The following ZNF511 variants were observed in gnomAD, a reference collection of about 807,000 sequenced individuals.
ZNF511 encodes the protein zinc finger protein 511.
A neutral mutation model predicts 24.8 loss-of-function variants in ZNF511; 26 were observed. The ratio of observed to expected loss-of-function variants is 1.05; its 90% CI spans 0.77 to 1.46. The LOEUF is 1.46. Ranked by LOEUF, ZNF511 falls within the 40% of genes most tolerant of loss-of-function variation. The pLI, the probability that ZNF511 is intolerant of heterozygous loss-of-function variation, is 0.00. For synonymous variants in ZNF511, 144 were observed against 139.6 expected, an observed-to-expected ratio of 1.03 and a Z score of -0.22; for missense variants, 358 against 345.0, an observed-to-expected ratio of 1.04 and a Z score of -0.30.
rs769944549 is a variant in ZNF511, at chr10:133,309,391, A to C, written c.155A>C (p.Asp52Ala). The C allele has an allele frequency of 6.2e-7, 1 of 1,611,280 alleles. No individual in the cohort carries two copies. Among genetic ancestry groups the C allele is most frequent in the East Asian group, 2.2e-5 (1 of 44,780 alleles). The change falls in exon 2 of 6, where the codon GAT (aspartate) becomes GCT (alanine). Residue 52 changes from aspartate (D) to alanine (A), a missense_variant and splice_region_variant. Asp to Ala is a moderately radical substitution (Grantham distance 126). Transcript: ENST00000361518. ...GCCCACGGCGCACTTTTCCTGCAGG[A>C]TGGGGACGTGCAGCGCCACCTCTAC... ...RFPREHQFFE[D>A]GDVQRHLYLQ... is the part of the protein sequence containing the mutation.
At position 133,309,780 on chromosome 10, in the gene ZNF511, C is replaced by G. The variant is rs201710528; in HGVS notation, c.232C>G (p.Pro78Ala). 1.1e-4 allele frequency: 176 copies of G among 1,612,732 alleles called. 1 individual carries two copies. The East Asian group carries it at 2.4e-3, about 22-fold the overall frequency. The change falls in exon 3 of 6, where the codon CCC becomes GCC. Residue 78 changes from proline to alanine, a missense_variant. By Grantham distance (27) the Pro-to-Ala change is conservative. Transcript: ENST00000361518. ...VADVPEKPRV[P>A]AFACQVAGCC... The stretch of plus-strand genomic sequence containing the variant: ...TGAAGCACGTCTCCTTGGCAGGGTG[C>G]CCGCGTTTGCCTGCCAGGTGGCCGG...
rs200152907 is a variant in ZNF511, at chr10:133,311,733, C to G, written c.572C>G (p.Ala191Gly). The G allele has an allele frequency of 6.2e-7, 1 of 1,613,350 alleles. No homozygotes were observed. Among genetic ancestry groups the G allele is most frequent in the Non-Finnish European group, 8.5e-7 (1 of 1,179,942 alleles). Reference protein sequence around the residue: ...KKSRSPASAEAPGDSGERSEG... With the variant: ...KKSRSPASAEGPGDSGERSEG... Reference sequence around the variant, plus strand: ...CCCCGCAGCCCAGCCTCAGCAGAAGCCCCAGGGGACAGTGGAGAGCGGTCA... The same window carrying G: ...CCCCGCAGCCCAGCCTCAGCAGAAGGCCCAGGGGACAGTGGAGAGCGGTCA... The change falls in exon 5 of 6, where the codon GCC (alanine) becomes GGC (glycine). Residue 191 changes from alanine (A) to glycine (G), a missense_variant. By Grantham distance (60) the Ala-to-Gly change is moderately conservative (BLOSUM62 0). Coordinates refer to ENST00000361518, the MANE Select transcript of ZNF511 (RefSeq NM_145806.4).
chr10:133,310,577 C>T (rs1847968345), intron 4 of ZNF511: 1 of 441,460 alleles, frequency 2.3e-6, no homozygotes. Flanking sequence ...CACTCACACC[C>T]CTCTGGGCCA....
At chr10:133,312,296 C>A (rs41314511) in intron 5 of ZNF511, 1 of 1,226,598 alleles carries the variant, frequency 8.2e-7, no homozygotes, top group Non-Finnish European at 1.0e-6. Flanking sequence ...GCCTTTCTAG[C>A]GTCACCTGTG....
intron 5 of ZNF511, chr10:133,312,087 T>C: frequency 6.9e-7 from 1 of 1,455,874 alleles, no homozygotes; most frequent in Non-Finnish European, 9.0e-7. Flanking sequence ...TCACTTTTCC[T>C]CATTGTCTGA....
rs981152303 is a variant in ZNF511 at position 133,309,009 on chromosome 10, T to C, written c.66T>C (p.Pro22=). Residue 22 remains proline (P), a synonymous_variant, in exon 1 of 6, where the codon CCT becomes CCC. Transcript: ENST00000361518. The stretch of plus-strand genomic sequence containing the variant: ...GGCCCGGGGCGGCGGAGCCGCTGCC[T>C]GTAGAGCGGGATCCCGCGGCTGGGG... The part of the protein sequence containing the change: ...AAGPGAAEPL[P]VERDPAAGAA... 3.2e-6 allele frequency: 4 copies of C among 1,255,120 alleles called. No individual in the cohort carries two copies. The African/African-American group carries it at 4.7e-5, about 15-fold the overall frequency. 77.7% of individuals were successfully genotyped at this position (1,255,120 alleles called of 1,614,324 possible).
At chr10:133,312,507 A>G (rs933132347) in intron 5 of ZNF511, 42 of 1,323,448 alleles carry the variant, frequency 3.2e-5, no homozygotes, top group Middle Eastern at 2.9e-4. Flanking sequence ...TGGAATGGAC[A>G]TGGGGTAGCA....
Position 133,313,066 on chromosome 10 carries a change from C to T in ZNF511, c.*200C>T. ...ACAGATTTTGGAAACGACCTGGACA[C>T]ACTATTGGGAAGGAGATGTGGACGG... On this transcript the variant is annotated 3_prime_UTR_variant, in exon 6 of 6. Transcript: ENST00000361518. 1 of 1,385,568 alleles carries T rather than the reference C, an allele frequency of 7.2e-7. No individual in the cohort carries two copies. The highest frequency in any genetic ancestry group is 1.6e-5 in the South Asian group (1 of 64,480). 85.8% of individuals were successfully genotyped at this position (1,385,568 alleles called of 1,614,324 possible).
intron 4 of ZNF511, chr10:133,310,674 G>A (rs754767359): frequency 4.8e-5 from 12 of 252,438 alleles, no homozygotes; most frequent in Admixed American, 1.5e-4. Flanking sequence ...GCCGTCGGCC[G>A]TGCTCACACA....
Position 133,311,739 on chromosome 10 carries a change from GGGACAGT to G in ZNF511, c.582_588del (p.Asp194GlufsTer106). The G allele has an allele frequency of 1.9e-5, 30 of 1,613,610 alleles. No homozygotes were observed. The highest frequency in any genetic ancestry group is 2.5e-5 in the Non-Finnish European group (30 of 1,180,006). On this transcript the variant is annotated frameshift_variant, in exon 5 of 6. Transcript: ENST00000361518. LOFTEE classifies it high-confidence loss of function. ...AGCCCAGCCTCAGCAGAAGCCCCAG[GGGACAGT>G]GGAGAGCGGTCAGAAGGGGAGGCCA...
intron 5 of ZNF511, chr10:133,312,436 C>G: frequency 3.3e-6 from 4 of 1,202,062 alleles, no homozygotes; most frequent in Non-Finnish European, 4.1e-6. Context: ...ACCCTCCTTA[C>G]AGATGCCTGG....
Position 133,310,191 on chromosome 10 carries a change from GAGA to G in ZNF511, c.460_462del (p.Lys154del), listed in dbSNP as rs766649497. 1 of 1,614,048 alleles carries G rather than the reference GAGA, an allele frequency of 6.2e-7. No individual in the cohort carries two copies. Among genetic ancestry groups the G allele is most frequent in the Non-Finnish European group, 8.5e-7 (1 of 1,180,042 alleles). On this transcript the variant is annotated inframe_deletion, in exon 4 of 6. Coordinates refer to ENST00000361518, the MANE Select transcript of ZNF511 (RefSeq NM_145806.4). ...TCAGTGCTTGGTAGAAGGCTGCACA[GAGA>G]AGTTCAAGACCAGCAGAGACCGGAA...
At chr10:133,311,878 C>T (rs1171166429) in intron 5 of ZNF511, 37 bp downstream of exon 5, 11 of 1,613,160 alleles carry the variant, frequency 6.8e-6, no homozygotes, top group Non-Finnish European at 7.6e-6. Context: ...CCGTTCTCAA[C>T]ATGTGTTCGG....
At position 133,311,800 on chromosome 10, in the gene ZNF511, C is replaced by T. The variant is rs1264380902; in HGVS notation, c.639C>T (p.Ala213=). The part of the protein sequence containing the change: ...AMEICSEPVA[A]SPAPAGERRI... ...AAATCTGCTCTGAGCCTGTGGCAGC[C>T]TCCCCTGCACCGGCAGGTGAGAGGC... Residue 213 remains alanine (A), a synonymous_variant, in exon 5 of 6, where the codon GCC becomes GCT. Coordinates refer to ENST00000361518, the MANE Select transcript of ZNF511 (RefSeq NM_145806.4). 9 of 1,613,192 alleles carry T rather than the reference C, an allele frequency of 5.6e-6. No individual in the cohort carries two copies. The highest frequency in any genetic ancestry group is 7.6e-6 in the Non-Finnish European group (9 of 1,180,034).
At position 133,309,390 on chromosome 10, in the gene ZNF511, G is replaced by C. The variant is rs746057915; in HGVS notation, c.154G>C (p.Asp52His). ...CGCCCACGGCGCACTTTTCCTGCAGGATGGGGACGTGCAGCGCCACCTCTA... is the reference window on the plus strand; with the variant it reads ...CGCCCACGGCGCACTTTTCCTGCAGCATGGGGACGTGCAGCGCCACCTCTA... ...RFPREHQFFE[D>H]GDVQRHLYLQ... The change falls in exon 2 of 6, where the codon GAT becomes CAT. Residue 52 changes from aspartate (D) to histidine (H), a missense_variant and splice_region_variant. By Grantham distance (81) the Asp-to-His change is moderately conservative. Transcript: ENST00000361518. The C allele has an allele frequency of 6.2e-7, 1 of 1,611,336 alleles. No individual in the cohort carries two copies. The highest frequency in any genetic ancestry group is 1.1e-5 in the South Asian group (1 of 90,862).
Position 133,310,151 on chromosome 10 carries a change from G to T in ZNF511, c.430-13G>T. ...CCAGGGGTCAGAGGGAGGTGACACG[G>T]TCTCCATTTCAGTATCAGTGCTTGG... On this transcript the variant is annotated splice_polypyrimidine_tract_variant and intron_variant, in intron 3 of 5. Coordinates refer to ENST00000361518, the MANE Select transcript of ZNF511 (RefSeq NM_145806.4). The T allele has an allele frequency of 6.2e-7, 1 of 1,613,650 alleles. No individual in the cohort carries two copies. Among genetic ancestry groups the T allele is most frequent in the Non-Finnish European group, 8.5e-7 (1 of 1,180,024 alleles).
In ZNF511 at chr10:133,309,992, C is replaced by T. The variant is rs1847951933; in HGVS notation, c.429+15C>T. 2.5e-6 allele frequency: 4 copies of T among 1,611,866 alleles called. No individual in the cohort carries two copies. The highest frequency in any genetic ancestry group is 1.3e-5 in the African/African-American group (1 of 74,940). On this transcript the variant is annotated intron_variant, in intron 3 of 5. Coordinates refer to ENST00000361518, the MANE Select transcript of ZNF511 (RefSeq NM_145806.4). ...GGCAGGACATGGTGGGTGACAACTG[C>T]ACAGCCGCCGAGGCCACCCCCCATT...
chr10:133,309,588 C>A, intron 2 of ZNF511, 125 bp downstream of exon 2: 1 of 1,298,578 alleles, frequency 7.7e-7, no homozygotes, highest in Non-Finnish European at 1.1e-6. Context: ...CTGTGCCTGT[C>A]CAGCTTTGGC....
intron 5 of ZNF511, chr10:133,312,539 C>G: frequency 7.3e-7 from 1 of 1,379,104 alleles, no homozygotes; most frequent in Non-Finnish European, 9.4e-7. Context: ...CCCCAGAGGG[C>G]TTGGCAGGAG....
Sources: gnomAD v4.1 joint callset for allele counts on GRCh38, gnomAD v4.1.1 for gene constraint, MANE v1.5 for transcripts, NCBI Gene and HGNC (gene_info 2026-07-23, HGNC 2026-07-21) for gene names.